TSHR: variants seen among roughly 807,000 people sequenced by gnomAD.
The protein encoded by TSHR is thyroid stimulating hormone receptor, also known as thyrotropin receptor.
Under a neutral mutation model 64.1 loss-of-function variants are expected in TSHR, and 51 were observed. That is an observed-to-expected ratio of 0.80 (90% CI 0.64 to 1.01). The LOEUF (loss-of-function observed/expected upper bound fraction) is 1.01, where lower values mean the gene tolerates loss of function less well. Among genes scored for constraint, TSHR ranks in the 50% least tolerant of loss-of-function variants. The probability of loss-of-function intolerance (pLI) is 0.00; values close to 1 mark genes in which losing one functional copy is unlikely to be tolerated. For missense variants in TSHR, 877 were observed against 942.8 expected, an observed-to-expected ratio of 0.93 and a Z score of 0.91; for synonymous variants, 361 against 361.9, an observed-to-expected ratio of 1.00 and a Z score of 0.03.
chr14:81,079,080 T>C (rs1459119819), intron 3 of TSHR: 1 of 152,204 alleles, frequency 6.6e-6, no homozygotes, highest in Non-Finnish European at 1.5e-5. Flanking sequence ...AATACAAGAA[T>C]GGTAGGTTCT....
intron 2 of TSHR, among the ~76,000 whole-genome samples, chr14:81,065,936 T>A (rs1886577961): frequency 6.6e-6 from 1 of 152,182 alleles, no homozygotes; most frequent in Non-Finnish European, 1.5e-5. Flanking sequence ...CACAAAACTA[T>A]CCCAGTTTGA....
chr14:80,961,526 A>C (rs1330877761), intron 1 of TSHR, among the ~76,000 whole-genome samples: 1 of 152,200 alleles, frequency 6.6e-6, no homozygotes, highest in Non-Finnish European at 1.5e-5. Flanking sequence ...TTCTGACCTG[A>C]AAGCTGAAGG....
chr14:81,118,311 A>G (rs1890621899), intron 8 of TSHR, among the ~76,000 whole-genome samples: 1 of 86,636 alleles, frequency 1.2e-5, no homozygotes, highest in African/African-American at 5.3e-5. Context: ...TTAAGCTGAT[A>G]AGCAACTTCA....
chr14:81,045,873 G>A (rs1457826997), intron 1 of TSHR, among the ~76,000 whole-genome samples: 2 of 152,174 alleles, frequency 1.3e-5, no homozygotes, highest in African/African-American at 4.8e-5. Context: ...ATCAGGAATT[G>A]GGGTAAGAGA....
At chr14:80,959,838 G>A (rs758771941) in intron 1 of TSHR, among the ~76,000 whole-genome samples, 9 of 152,198 alleles carry the variant, frequency 5.9e-5, no homozygotes, top group Admixed American at 1.3e-4. Context: ...TTTGGCATTT[G>A]TACCCTGTGT....
chr14:81,036,044 C>G lies in TSHR; in HGVS notation c.171-26104C>G, dbSNP rs748827487. Among the ~76,000 whole-genome samples, 116 of 151,744 alleles carry G rather than the reference C, an allele frequency of 7.6e-4. 1 individual carries two copies. The Middle Eastern group carries it at 0.01, about 13-fold the overall frequency. The stretch of plus-strand genomic sequence containing the variant: ...TTTTCAAATAACCTAGTCAGAGATC[C>G]AAAAGAAAAAAGAATAAAAAGAACA... On this transcript the variant is annotated intron_variant, in intron 1 of 9. Transcript: ENST00000298171.
At chr14:81,139,930 G>C (rs1318358124) in intron 9 of TSHR, 63 bp downstream of exon 9, 6 of 1,593,326 alleles carry the variant, frequency 3.8e-6, no homozygotes, top group Non-Finnish European at 4.3e-6. Context: ...TTCATTTCTT[G>C]GTTTTGGGGA....
intron 1 of TSHR, chr14:81,013,515 C>T (rs1418239579): frequency 6.6e-6 from 1 of 152,100 alleles, no homozygotes; most frequent in Non-Finnish European, 1.5e-5. Flanking sequence ...TTGTACGTGC[C>T]ATTATGATAA....
At chr14:80,968,883 A>C (rs1473058557) in intron 1 of TSHR, among the ~76,000 whole-genome samples, 1 of 152,144 alleles carries the variant, frequency 6.6e-6, no homozygotes, top group Non-Finnish European at 1.5e-5. Context: ...GAGAAGCTCA[A>C]ATGACCAGGT....
chr14:80,969,571 G>T (rs1026800764), intron 1 of TSHR, among the ~76,000 whole-genome samples: 1 of 152,202 alleles, frequency 6.6e-6, no homozygotes, highest in African/African-American at 2.4e-5. Flanking sequence ...CTGCTGAAAG[G>T]TTGGTCATTT....
At position 81,017,829 on chromosome 14, in the gene TSHR, CT is replaced by C. The variant is rs58604814; in HGVS notation, c.171-44301del. On this transcript the variant is annotated intron_variant, in intron 1 of 9. Transcript: ENST00000298171. Reference sequence around the variant, plus strand: ...CACCCCAAATGCCGCATTGTATAATCTTTTTTTTTTTTTTTTTTGAAATGGA... The same window carrying C: ...CACCCCAAATGCCGCATTGTATAATCTTTTTTTTTTTTTTTTTGAAATGGA... Among the ~76,000 whole-genome samples the C allele has an allele frequency of 5.6e-3, 768 of 137,012 alleles. 2 individuals carry two copies. Among genetic ancestry groups the C allele is most frequent in the East Asian group, 0.026 (125 of 4,798 alleles). 89.9% of individuals were successfully genotyped at this position (137,012 alleles called of 152,430 possible). A position where few individuals can be genotyped will look rare whatever the true frequency, so the allele number is the denominator to read the frequency against.
At chr14:81,020,746 C>T (rs538024425) in intron 1 of TSHR, among the ~76,000 whole-genome samples, 1 of 152,304 alleles carries the variant, frequency 6.6e-6, no homozygotes, top group East Asian at 1.9e-4. Context: ...AGTTGATGTA[C>T]TTCAATTGTA....
intron 3 of TSHR, among the ~76,000 whole-genome samples, chr14:81,070,859 A>G (rs1887018807): frequency 6.6e-6 from 1 of 152,142 alleles, no homozygotes; most frequent in Admixed American, 6.5e-5. Context: ...ATTTATTACC[A>G]TTAGGCTCAT....
intron 3 of TSHR, among the ~76,000 whole-genome samples, chr14:81,073,017 A>AAAAAAAAAAAAT (rs1555376957): frequency 2.2e-5 from 2 of 91,196 alleles, no homozygotes; most frequent in African/African-American, 9.0e-5. Context: ...AAAAATAAAA[A>AAAAAAAAAAAAT]ATAAATATAT....
At chr14:80,975,582 ATT>A (rs1390094821) in intron 1 of TSHR, among the ~76,000 whole-genome samples, 1 of 151,932 alleles carries the variant, frequency 6.6e-6, no homozygotes, top group Non-Finnish European at 1.5e-5. Context: ...TGCTCTTCTG[ATT>A]TTTTTACTCC....
chr14:81,055,210 T>C (rs574043559), intron 1 of TSHR, among the ~76,000 whole-genome samples: 1 of 152,232 alleles, frequency 6.6e-6, no homozygotes, highest in African/African-American at 2.4e-5. Flanking sequence ...TTCCACATGG[T>C]ATAGAGCCTG....
intron 1 of TSHR, among the ~76,000 whole-genome samples, chr14:80,977,474 T>C (rs1025249601): frequency 1.3e-5 from 2 of 152,172 alleles, no homozygotes; most frequent in Non-Finnish European, 2.9e-5. Context: ...GTTACTGGCT[T>C]CCATGGTCAA....
chr14:81,067,483 T>TTTTATA (rs1555376189), intron 2 of TSHR, among the ~76,000 whole-genome samples: 47 of 134,968 alleles, frequency 3.5e-4, no homozygotes, highest in African/African-American at 1.2e-3. Context: ...GTTTATAGTT[T>TTTTATA]TATATATATA....
At chr14:81,032,304 A>C (rs1261553608) in intron 1 of TSHR, among the ~76,000 whole-genome samples, 1 of 152,176 alleles carries the variant, frequency 6.6e-6, no homozygotes, top group Non-Finnish European at 1.5e-5. Context: ...GCATCCAGAC[A>C]TGCCTTGAGG....
Sources: gnomAD v4.1 joint callset for allele counts (sites outside exome capture counted in the v4.1 genomes callset) on GRCh38, gnomAD v4.1.1 for gene constraint, MANE v1.5 for transcripts, NCBI Gene and HGNC (gene_info 2026-07-23, HGNC 2026-07-21) for gene names.